Variants in RANBP2 observed in about 807,000 individuals in gnomAD.
The protein encoded by RANBP2 is E3 SUMO-protein ligase RanBP2.
RANBP2 carries 57 observed loss-of-function variants against 303.6 expected under a neutral mutation model. The ratio of observed to expected loss-of-function variants is 0.19; its 90% confidence interval spans 0.15 to 0.23. The LOEUF (loss-of-function observed/expected upper bound fraction) is 0.23, where lower values mean the gene tolerates loss of function less well. RANBP2 is among the 10% of genes least tolerant of loss of function. The pLI is 1.00. For missense variants in RANBP2, 3,138 were observed against 3,780.8 expected (o/e 0.83, Z 4.46); for synonymous variants, 1,167 against 1,301.5 (o/e 0.90, Z 2.23).
At chr2:109,778,690 TTC>T in the RANBP2 span, among the ~76,000 whole-genome samples, 3 of 139,822 alleles carry the variant, frequency 2.1e-5, no homozygotes, top group African/African-American at 5.4e-5. Context: ...TTTTTTTCTT[TTC>T]TCTCTCTCTC....
chr2:109,468,650 T>C, the RANBP2 span, among the ~76,000 whole-genome samples: 2 of 151,782 alleles, frequency 1.3e-5, no homozygotes, highest in African/African-American at 2.4e-5. Flanking sequence ...GGTCAGGAGT[T>C]TGAGACCAGC....
At chr2:108,939,374 A>T in the RANBP2 span, among the ~76,000 whole-genome samples, 1 of 152,120 alleles carries the variant, frequency 6.6e-6, no homozygotes, top group Non-Finnish European at 1.5e-5. Context: ...TGTAGTAGAG[A>T]TGGGGTTTCA....
At chr2:109,321,286 C>T in the RANBP2 span, among the ~76,000 whole-genome samples, 1 of 152,204 alleles carries the variant, frequency 6.6e-6, no homozygotes, top group Non-Finnish European at 1.5e-5. Flanking sequence ...CCTTTATTGT[C>T]TTGCCACTTA....
the RANBP2 span, among the ~76,000 whole-genome samples, chr2:109,304,736 A>G: frequency 2.6e-5 from 4 of 152,228 alleles, no homozygotes; most frequent in Admixed American, 6.5e-5. Context: ...TATAGGAGCT[A>G]ATCTAGGGAG....
At chr2:108,736,859 C>T (rs995643114) in intron 6 of RANBP2, among the ~76,000 whole-genome samples, 1 of 151,958 alleles carries the variant, frequency 6.6e-6, no homozygotes. Flanking sequence ...AAATATGGCC[C>T]CTGCCTAATT....
At chr2:108,827,814 TAAAA>T in the RANBP2 span, among the ~76,000 whole-genome samples, 1 of 134,104 alleles carries the variant, frequency 7.5e-6, no homozygotes, top group African/African-American at 2.8e-5. Context: ...AGAATATGTC[TAAAA>T]AAAAAAAAAA....
the RANBP2 span, among the ~76,000 whole-genome samples, chr2:109,034,764 G>T: frequency 2.6e-5 from 4 of 152,202 alleles, no homozygotes; most frequent in Non-Finnish European, 5.9e-5. Flanking sequence ...AAGCAGCAGA[G>T]AAGGCCTCCT....
At chr2:109,379,673 TG>T in the RANBP2 span, among the ~76,000 whole-genome samples, 1 of 152,226 alleles carries the variant, frequency 6.6e-6, no homozygotes, top group Non-Finnish European at 1.5e-5. Flanking sequence ...AGCGACAGCC[TG>T]TGGAAGGGAT....
the RANBP2 span, among the ~76,000 whole-genome samples, chr2:109,306,365 A>C: frequency 1.6e-4 from 24 of 152,334 alleles, no homozygotes; most frequent in South Asian, 5.0e-3. Context: ...ATACTCCAGC[A>C]GCACCTGCAG....
At position 108,763,508 on chromosome 2, in the gene RANBP2, C is replaced by T. The variant is rs1676889828; in HGVS notation, c.2969C>T (p.Ala990Val). Residue 990 changes from alanine to valine, a missense_variant, in exon 20 of 29, where the codon GCT becomes GTT. By Grantham distance (64) the Ala-to-Val change is moderately conservative (BLOSUM62 0). Coordinates refer to ENST00000283195, the MANE Select transcript of RANBP2 (RefSeq NM_006267.5). ...ACAAAACCTCCGATTGCAGCTCATG[C>T]TTCAAGATCTGCAGAATCTAAGACT... Reference protein sequence around the residue: ...YFTKPPIAAHASRSAESKTIE... With the variant: ...YFTKPPIAAHVSRSAESKTIE... 6.2e-7 allele frequency: 1 copy of T among 1,614,148 alleles called. No homozygotes were observed. The highest frequency in any genetic ancestry group is 2.2e-5 in the East Asian group (1 of 44,886).
At chr2:109,406,856 A>G in the RANBP2 span, among the ~76,000 whole-genome samples, 1 of 151,838 alleles carries the variant, frequency 6.6e-6, no homozygotes. Context: ...GTCGAAGCCA[A>G]TCTTACAGCC....
At chr2:108,791,646 A>G in the RANBP2 span, 1 of 1,596,856 alleles carries the variant, frequency 6.3e-7, no homozygotes, top group African/African-American at 1.3e-5. Context: ...AAACTTCTAG[A>G]TTGCTGTGAT....
At chr2:109,373,169 G>A in the RANBP2 span, among the ~76,000 whole-genome samples, 2 of 152,132 alleles carry the variant, frequency 1.3e-5, no homozygotes, top group Non-Finnish European at 2.9e-5. Flanking sequence ...TCAACACTTC[G>A]CAAGTTTCCA....
chr2:109,372,892 GATGTT>G, the RANBP2 span, among the ~76,000 whole-genome samples: 4 of 152,228 alleles, frequency 2.6e-5, no homozygotes, highest in Non-Finnish European at 5.9e-5. Context: ...GATACTTAAA[GATGTT>G]TGTTTAAAAC....
At chr2:109,078,085 TATATATA>T in the RANBP2 span, among the ~76,000 whole-genome samples, 9 of 11,436 alleles carry the variant, frequency 7.9e-4, no homozygotes, top group African/African-American at 1.3e-3. Context: ...TGAATATATA[TATATATA>T]TATATATATA....
the RANBP2 span, among the ~76,000 whole-genome samples, chr2:108,905,955 C>T: frequency 6.6e-6 from 1 of 152,130 alleles, no homozygotes; most frequent in Non-Finnish European, 1.5e-5. Flanking sequence ...GATCACGTTT[C>T]CCAGATGATG....
At chr2:108,894,294 C>A in the RANBP2 span, among the ~76,000 whole-genome samples, 1 of 152,190 alleles carries the variant, frequency 6.6e-6, no homozygotes, top group South Asian at 2.1e-4. Context: ...TTGCTTCTGC[C>A]TAGTGAATGT....
At chr2:109,064,236 G>A in the RANBP2 span, among the ~76,000 whole-genome samples, 5 of 152,140 alleles carry the variant, frequency 3.3e-5, no homozygotes, top group South Asian at 2.1e-4. Flanking sequence ...TTGGGATGCC[G>A]AGGTGGGCGG....
At chr2:109,396,486 C>T in the RANBP2 span, among the ~76,000 whole-genome samples, 203 of 152,342 alleles carry the variant, frequency 1.3e-3, no homozygotes, top group Non-Finnish European at 2.3e-3. Flanking sequence ...GTGATCTGCT[C>T]GGCCTGCACG....
Sources: allele counts gnomAD v4.1 joint callset (sites outside exome capture counted in the v4.1 genomes callset), GRCh38; gene constraint gnomAD v4.1.1; transcripts MANE v1.5; gene names NCBI Gene and HGNC (gene_info 2026-07-23, HGNC 2026-07-21).